FCHSD2: variants seen among roughly 807,000 people sequenced by gnomAD.
The protein encoded by FCHSD2 is FCH and double SH3 domains 2.
A neutral mutation model predicts 108.1 loss-of-function variants in FCHSD2; 38 were observed. The observed-to-expected ratio is 0.35, with a 90% CI of 0.27 to 0.46. The LOEUF (loss-of-function observed/expected upper bound fraction) is 0.46, where lower values mean the gene tolerates loss of function less well. FCHSD2 is among the 20% of genes least tolerant of loss of function. The probability of loss-of-function intolerance (pLI) is 1.00; values close to 1 mark genes in which losing one functional copy is unlikely to be tolerated. For missense variants in FCHSD2, 751 were observed against 897.8 expected, an observed-to-expected ratio of 0.84 and a Z score of 2.09; for synonymous variants, 279 against 314.7, an observed-to-expected ratio of 0.89 and a Z score of 1.20.
chr11:72,981,247 C>T (rs1292402043), intron 8 of FCHSD2, among the ~76,000 whole-genome samples: 1 of 152,164 alleles, frequency 6.6e-6, no homozygotes, highest in East Asian at 1.9e-4. Context: ...CACAATGTTT[C>T]ATTAAATGAA....
At chr11:72,858,247 A>G (rs772269450) in intron 13 of FCHSD2, among the ~76,000 whole-genome samples, 1 of 152,204 alleles carries the variant, frequency 6.6e-6, no homozygotes, top group East Asian at 1.9e-4. Context: ...CAAATACAAC[A>G]TGAGTAAGTT....
At chr11:72,986,456 G>A (rs1206656630) in intron 6 of FCHSD2, among the ~76,000 whole-genome samples, 3 of 152,086 alleles carry the variant, frequency 2.0e-5, no homozygotes, top group Non-Finnish European at 4.4e-5. Flanking sequence ...TAATCCACCC[G>A]CCTCGGCCTC....
chr11:73,078,522 C>T (rs1182927638), intron 3 of FCHSD2, among the ~76,000 whole-genome samples: 1 of 151,988 alleles, frequency 6.6e-6, no homozygotes, highest in Non-Finnish European at 1.5e-5. Context: ...CAACAACATG[C>T]ATGAAGCTTA....
At chr11:73,130,066 G>A (rs1445477857) in intron 2 of FCHSD2, among the ~76,000 whole-genome samples, 1 of 151,510 alleles carries the variant, frequency 6.6e-6, no homozygotes, top group African/African-American at 2.4e-5. Flanking sequence ...AGTAGAGACG[G>A]GGTTTCACCA....
chr11:72,855,039 C>T (rs778614536), intron 13 of FCHSD2, among the ~76,000 whole-genome samples: 2 of 152,034 alleles, frequency 1.3e-5, no homozygotes, highest in African/African-American at 2.4e-5. Context: ...TTTGGGAGGC[C>T]GAGGCAGGCA....
At chr11:73,101,342 C>A (rs1422217532) in intron 2 of FCHSD2, among the ~76,000 whole-genome samples, 1 of 152,178 alleles carries the variant, frequency 6.6e-6, no homozygotes, top group African/African-American at 2.4e-5. Flanking sequence ...ATCACTAAAA[C>A]ATTGTAAATC....
At chr11:72,957,599 A>T (rs1856740043) in intron 8 of FCHSD2, among the ~76,000 whole-genome samples, 1 of 151,558 alleles carries the variant, frequency 6.6e-6, no homozygotes, top group East Asian at 1.9e-4. Flanking sequence ...AATAAAAAAG[A>T]TATTTTTGGA....
intron 8 of FCHSD2, among the ~76,000 whole-genome samples, chr11:72,926,680 C>T (rs1457340623): frequency 6.6e-6 from 1 of 152,200 alleles, no homozygotes; most frequent in Non-Finnish European, 1.5e-5. Flanking sequence ...TTACCCTTCA[C>T]TTGTCTGCCT....
At chr11:73,045,549 A>G (rs1397874413) in intron 3 of FCHSD2, among the ~76,000 whole-genome samples, 2 of 151,616 alleles carry the variant, frequency 1.3e-5, no homozygotes, top group Non-Finnish European at 2.9e-5. Context: ...ATGGATTAAG[A>G]AAATGTGGCA....
At chr11:72,847,295 G>A (rs1031051445) in intron 14 of FCHSD2, among the ~76,000 whole-genome samples, 1 of 152,250 alleles carries the variant, frequency 6.6e-6, no homozygotes, top group Non-Finnish European at 1.5e-5. Flanking sequence ...ATTGCATCCA[G>A]TCATGAGCTC....
chr11:72,846,426 C>T (rs532865645), intron 14 of FCHSD2, among the ~76,000 whole-genome samples: 73 of 152,220 alleles, frequency 4.8e-4, no homozygotes, highest in Admixed American at 1.0e-3. Context: ...GCGATTCGCC[C>T]GCCTTGGCCC....
chr11:73,036,362 TACAA>T (rs1858498029), intron 3 of FCHSD2, among the ~76,000 whole-genome samples: 1 of 152,112 alleles, frequency 6.6e-6, no homozygotes, highest in Non-Finnish European at 1.5e-5. Flanking sequence ...CACTATTTTG[TACAA>T]TATTTCACAA....
chr11:73,116,055 A>G (rs565576568), intron 2 of FCHSD2, among the ~76,000 whole-genome samples: 1 of 152,252 alleles, frequency 6.6e-6, no homozygotes, highest in African/African-American at 2.4e-5. Context: ...TGATGACTGC[A>G]GATTTTTAAA....
chr11:72,972,102 TTGTCACCCTA>T (rs1426114890), intron 8 of FCHSD2, among the ~76,000 whole-genome samples: 2 of 152,110 alleles, frequency 1.3e-5, no homozygotes, highest in Non-Finnish European at 2.9e-5. Flanking sequence ...CTTATGCCTC[TTGTCACCCTA>T]TACAATACTC....
At chr11:72,972,413 T>C (rs912811858) in intron 8 of FCHSD2, among the ~76,000 whole-genome samples, 15 of 152,164 alleles carry the variant, frequency 9.9e-5, no homozygotes, top group South Asian at 2.1e-4. Context: ...CAAGGTGCCC[T>C]AGTATTCAGC....
intron 8 of FCHSD2, among the ~76,000 whole-genome samples, chr11:72,926,394 A>T (rs181839815): frequency 6.6e-6 from 1 of 152,296 alleles, no homozygotes; most frequent in East Asian, 1.9e-4. Context: ...GACCAGTTGC[A>T]GAGAGGAGTA....
At chr11:73,005,619 T>C (rs1359715321) in intron 4 of FCHSD2, among the ~76,000 whole-genome samples, 1 of 152,150 alleles carries the variant, frequency 6.6e-6, no homozygotes, top group East Asian at 1.9e-4. Context: ...CTGTTGAAAA[T>C]TGTTTTTAAA....
At chr11:72,950,835 C>T (rs1000860652) in intron 8 of FCHSD2, among the ~76,000 whole-genome samples, 17 of 152,104 alleles carry the variant, frequency 1.1e-4, no homozygotes, top group African/African-American at 4.1e-4. Flanking sequence ...AAATGTTATC[C>T]CTTTCTTCCT....
intron 2 of FCHSD2, among the ~76,000 whole-genome samples, chr11:73,129,865 T>A (rs1278257064): frequency 6.7e-6 from 1 of 149,618 alleles, no homozygotes; most frequent in Non-Finnish European, 1.5e-5. Flanking sequence ...CAGATTACCT[T>A]CATAATCTTT....
Sources: allele counts gnomAD v4.1 joint callset (sites outside exome capture counted in the v4.1 genomes callset), GRCh38; gene constraint gnomAD v4.1.1; transcripts MANE v1.5; gene names NCBI Gene and HGNC (gene_info 2026-07-23, HGNC 2026-07-21).